RABGAP1L: variants seen among roughly 807,000 people sequenced by gnomAD.
The protein encoded by RABGAP1L is RAB GTPase activating protein 1 like.
RABGAP1L carries 63 observed loss-of-function variants against 137.7 expected under a neutral mutation model. The ratio of observed to expected loss-of-function variants is 0.46; its 90% CI spans 0.37 to 0.56. The LOEUF is 0.56. Among genes scored for constraint, RABGAP1L ranks in the 20% least tolerant of loss-of-function variants. The probability of loss-of-function intolerance (pLI) is 0.00; values close to 1 mark genes in which losing one functional copy is unlikely to be tolerated. For missense variants in RABGAP1L, 1,095 were observed against 1,244.0 expected, an observed-to-expected ratio of 0.88 and a Z score of 1.80; for synonymous variants, 431 against 433.7, an observed-to-expected ratio of 0.99 and a Z score of 0.08.
intron 1 of RABGAP1L, among the ~76,000 whole-genome samples, chr1:174,207,805 G>C (rs759032015): frequency 2.0e-5 from 3 of 152,144 alleles, no homozygotes; most frequent in Non-Finnish European, 2.9e-5. Context: ...CAAGTTATCT[G>C]TGTCTCCTGG....
At chr1:174,924,461 C>T (rs2149240305) in intron 19 of RABGAP1L, among the ~76,000 whole-genome samples, 1 of 149,032 alleles carries the variant, frequency 6.7e-6, no homozygotes, top group African/African-American at 2.5e-5. Context: ...GCATCTCTTA[C>T]TGCAGAATCA....
intron 16 of RABGAP1L, chr1:174,701,086 C>A (rs1235110413): frequency 4.6e-6 from 6 of 1,303,204 alleles, no homozygotes; most frequent in Non-Finnish European, 6.1e-6. Flanking sequence ...GTTTTTTATT[C>A]TTCTTTTTGT....
chr1:174,899,530 G>C (rs1657794003), intron 19 of RABGAP1L, among the ~76,000 whole-genome samples: 1 of 152,112 alleles, frequency 6.6e-6, no homozygotes, highest in Non-Finnish European at 1.5e-5. Context: ...TAGAGTAGGG[G>C]ACTTGGATTA....
chr1:174,975,419 A>G (rs964660249), intron 21 of RABGAP1L, among the ~76,000 whole-genome samples: 2 of 152,180 alleles, frequency 1.3e-5, no homozygotes. Context: ...CATTCTAGAA[A>G]TATGATCTTT....
At chr1:174,352,073 G>T (rs891487851) in intron 11 of RABGAP1L, among the ~76,000 whole-genome samples, 1 of 152,188 alleles carries the variant, frequency 6.6e-6, no homozygotes, top group Non-Finnish European at 1.5e-5. Flanking sequence ...CTCCCAAAGT[G>T]CTGGGATTAC....
chr1:174,564,328 G>A (rs1667425387), intron 13 of RABGAP1L, among the ~76,000 whole-genome samples: 2 of 151,998 alleles, frequency 1.3e-5, no homozygotes, highest in Admixed American at 1.3e-4. Flanking sequence ...TGATTGATCA[G>A]CTTGCAACTA....
At chr1:174,747,854 A>G (rs1684006413) in intron 17 of RABGAP1L, among the ~76,000 whole-genome samples, 2 of 147,118 alleles carry the variant, frequency 1.4e-5, no homozygotes, top group Admixed American at 6.8e-5. Context: ...GTGGACCCAG[A>G]GAGCTATGCA....
chr1:174,756,806 A>G, intron 18 of RABGAP1L: 1 of 539,822 alleles, frequency 1.9e-6, no homozygotes, highest in South Asian at 1.5e-5. Context: ...ACTCGGTTGC[A>G]AACTCCGGAT....
intron 1 of RABGAP1L, among the ~76,000 whole-genome samples, chr1:174,194,235 C>CT (rs59046200): frequency 0.18 from 25,280 of 136,930 alleles, 4,122 homozygotes; most frequent in African/African-American, 0.43. Context: ...TCAGTTAATT[C>CT]TTTTTTTTTT....
Position 174,710,995 on chromosome 1 carries a change from G to A in RABGAP1L, c.2169+8739G>A, listed in dbSNP as rs2853056. Reference sequence around the variant, plus strand: ...GGAGGCTCAGGCATGGCGGGCTGCAGGTCCCAAGCCCTGCCCCACAGGGAG... The same window carrying A: ...GGAGGCTCAGGCATGGCGGGCTGCAAGTCCCAAGCCCTGCCCCACAGGGAG... On this transcript the variant is annotated intron_variant, in intron 17 of 25. Transcript: ENST00000681986. 2.8e-3 allele frequency among the ~76,000 whole-genome samples: 423 copies of A among 152,288 alleles called. 4 individuals are homozygous for A. The highest frequency in any genetic ancestry group is 9.7e-3 in the African/African-American group (403 of 41,574).
intron 13 of RABGAP1L, among the ~76,000 whole-genome samples, chr1:174,509,239 CTGAG>C (rs753823801): frequency 6.6e-6 from 1 of 152,152 alleles, no homozygotes; most frequent in Non-Finnish European, 1.5e-5. Flanking sequence ...TTAAGTACTA[CTGAG>C]TGAGATAAAT....
At chr1:174,787,540 G>T (rs1490225385) in intron 18 of RABGAP1L, among the ~76,000 whole-genome samples, 1 of 152,146 alleles carries the variant, frequency 6.6e-6, no homozygotes, top group African/African-American at 2.4e-5. Flanking sequence ...AAGCATATTT[G>T]GGAAATAATG....
At chr1:174,350,695 C>T (rs1436023151) in intron 11 of RABGAP1L, among the ~76,000 whole-genome samples, 2 of 39,926 alleles carry the variant, frequency 5.0e-5, no homozygotes, top group African/African-American at 1.0e-4. Flanking sequence ...GGGTGGCGGC[C>T]GGGCAGAGGC....
chr1:174,751,676 A>G (rs1442725376), intron 17 of RABGAP1L, among the ~76,000 whole-genome samples: 1 of 152,230 alleles, frequency 6.6e-6, no homozygotes, highest in Non-Finnish European at 1.5e-5. Context: ...TTAAGGAACA[A>G]TTTAATTTGT....
intron 10 of RABGAP1L, among the ~76,000 whole-genome samples, chr1:174,284,247 T>C (rs1675852460): frequency 6.6e-6 from 1 of 152,178 alleles, no homozygotes; most frequent in Admixed American, 6.5e-5. Context: ...AGCATCTCAC[T>C]TTTTCCCCCA....
intron 18 of RABGAP1L, among the ~76,000 whole-genome samples, chr1:174,773,163 G>GGTGTGTGTGT (rs9286899): frequency 0.075 from 11,188 of 149,604 alleles, 590 homozygotes; most frequent in East Asian, 0.21. Context: ...TAAGCTATGG[G>GGTGTGTGTGT]GTGTGTGTGT....
At chr1:174,406,037 C>A (rs1649229044) in intron 13 of RABGAP1L, among the ~76,000 whole-genome samples, 1 of 151,896 alleles carries the variant, frequency 6.6e-6, no homozygotes, top group African/African-American at 2.4e-5. Flanking sequence ...GAAAGAGGTT[C>A]TTTAAGAAAA....
At chr1:174,926,858 AG>A (rs1306951307) in intron 19 of RABGAP1L, among the ~76,000 whole-genome samples, 2 of 152,018 alleles carry the variant, frequency 1.3e-5, no homozygotes, top group African/African-American at 4.8e-5. Context: ...GTGGATCACA[AG>A]GTCAGGAGTT....
At chr1:174,596,745 G>A (rs1388880916) in intron 13 of RABGAP1L, among the ~76,000 whole-genome samples, 2 of 152,110 alleles carry the variant, frequency 1.3e-5, no homozygotes, top group South Asian at 2.1e-4. Context: ...AGGATTTCCA[G>A]GACTATGTTG....
Sources: gnomAD v4.1 joint callset for allele counts (sites outside exome capture counted in the v4.1 genomes callset) on GRCh38, gnomAD v4.1.1 for gene constraint, MANE v1.5 for transcripts, NCBI Gene and HGNC (gene_info 2026-07-23, HGNC 2026-07-21) for gene names.